The following SPAG17 variants were observed in gnomAD, a reference collection of about 807,000 sequenced individuals.
SPAG17 encodes the protein sperm associated antigen 17, also known as sperm-associated antigen 17.
A neutral mutation model predicts 273.6 loss-of-function variants in SPAG17; 169 were observed. The ratio of observed to expected loss-of-function variants is 0.62; its 90% CI spans 0.55 to 0.70. The LOEUF is 0.70. SPAG17 is among the 30% of genes least tolerant of loss of function. SPAG17 has a pLI of 0.00. For synonymous variants in SPAG17, 825 were observed against 873.2 expected, an observed-to-expected ratio of 0.94 and a Z score of 0.97; for missense variants, 2,557 against 2,627.8, an observed-to-expected ratio of 0.97 and a Z score of 0.59.
At chr1:118,149,285 T>G (rs1659242920) in intron 3 of SPAG17, among the ~76,000 whole-genome samples, 1 of 152,190 alleles carries the variant, frequency 6.6e-6, no homozygotes, top group South Asian at 2.1e-4. Flanking sequence ...TCTTGTGCTA[T>G]CCCACATCCA....
chr1:118,069,449 G>C (rs1653347866), intron 17 of SPAG17, among the ~76,000 whole-genome samples: 1 of 151,880 alleles, frequency 6.6e-6, no homozygotes, highest in African/African-American at 2.4e-5. Context: ...CAGGGATAAA[G>C]GAGAGGTTGG....
At chr1:118,028,983 T>A (rs1172539896) in intron 25 of SPAG17, among the ~76,000 whole-genome samples, 2 of 152,180 alleles carry the variant, frequency 1.3e-5, no homozygotes, top group Admixed American at 1.3e-4. Flanking sequence ...GGCATGGTGG[T>A]GTGTGGTTGC....
At chr1:118,180,302 C>T (rs763759419) in intron 1 of SPAG17, among the ~76,000 whole-genome samples, 1 of 151,872 alleles carries the variant, frequency 6.6e-6, no homozygotes, top group Non-Finnish European at 1.5e-5. Context: ...TTTATAGCAA[C>T]AAGGATGGAA....
intron 27 of SPAG17, among the ~76,000 whole-genome samples, chr1:118,024,316 T>C (rs1435459030): frequency 6.6e-6 from 1 of 152,154 alleles, no homozygotes; most frequent in Non-Finnish European, 1.5e-5. Context: ...CTTCCCATTT[T>C]TGATCATTCA....
At chr1:118,012,516 C>T (rs1477526995) in intron 29 of SPAG17, 144 bp from the exon 30 acceptor site, 10 of 834,234 alleles carry the variant, frequency 1.2e-5, no homozygotes, top group African/African-American at 3.5e-5. Context: ...TCTACCTGAT[C>T]TAACCTTCAT....
chr1:118,049,396 C>A (rs1650740401), intron 20 of SPAG17, among the ~76,000 whole-genome samples: 1 of 152,090 alleles, frequency 6.6e-6, no homozygotes, highest in Admixed American at 6.5e-5. Flanking sequence ...TGATTTATTC[C>A]TGGGATGCAA....
chr1:118,132,254 G>C (rs1020455907), intron 3 of SPAG17, among the ~76,000 whole-genome samples: 2 of 152,166 alleles, frequency 1.3e-5, no homozygotes, highest in Non-Finnish European at 1.5e-5. Flanking sequence ...CTGGGGAAGA[G>C]TGACGAGAGG....
chr1:117,988,986 G>A (rs896816049), intron 38 of SPAG17, among the ~76,000 whole-genome samples: 3 of 152,152 alleles, frequency 2.0e-5, no homozygotes, highest in East Asian at 3.9e-4. Flanking sequence ...AAAAAAATAC[G>A]TTAGTTTGTA....
intron 1 of SPAG17, among the ~76,000 whole-genome samples, chr1:118,165,638 A>AC (rs1050960835): frequency 6.9e-6 from 1 of 144,280 alleles, no homozygotes; most frequent in African/African-American, 2.6e-5. Flanking sequence ...AAAAAAAAAA[A>AC]AACTTTCTTT....
At chr1:118,158,615 T>G (rs1553257373) in intron 1 of SPAG17, among the ~76,000 whole-genome samples, 1 of 152,210 alleles carries the variant, frequency 6.6e-6, no homozygotes, top group Non-Finnish European at 1.5e-5. Flanking sequence ...GGAGCCTTAG[T>G]GCAATAAGAC....
intron 20 of SPAG17, among the ~76,000 whole-genome samples, chr1:118,045,829 C>T (rs1650285815): frequency 6.6e-6 from 1 of 152,046 alleles, no homozygotes; most frequent in Admixed American, 6.6e-5. Flanking sequence ...TGTAGGACAC[C>T]CAGTTGGTGT....
chr1:118,103,344 A>G (rs1020954754), intron 4 of SPAG17, among the ~76,000 whole-genome samples: 5 of 152,192 alleles, frequency 3.3e-5, no homozygotes, highest in African/African-American at 1.2e-4. Context: ...AATTTCAATG[A>G]GAATGGAAGT....
chr1:118,001,964 C>T (rs748743227), intron 32 of SPAG17, among the ~76,000 whole-genome samples: 2 of 152,144 alleles, frequency 1.3e-5, no homozygotes, highest in Non-Finnish European at 2.9e-5. Context: ...GCATTTAGTG[C>T]TACAAATTTC....
At chr1:118,153,844 CAAAGAAAAAAGAA>C (rs1346318353) in intron 1 of SPAG17, among the ~76,000 whole-genome samples, 1 of 148,148 alleles carries the variant, frequency 6.8e-6, no homozygotes, top group African/African-American at 2.5e-5. Context: ...GACTCCGTCT[CAAAGAAAAAAGAA>C]AAAGAAAAAA....
In SPAG17 at chr1:118,137,458, A is replaced by G. The variant is rs538849864; in HGVS notation, c.315+13085T>C. 3.9e-5 allele frequency among the ~76,000 whole-genome samples: 6 copies of G among 152,326 alleles called. No homozygotes were observed. In the East Asian group the frequency reaches 1.2e-3, roughly 29 times the overall value. On this transcript the variant is annotated intron_variant, in intron 3 of 48. Transcript: ENST00000336338. ...TCCTGTTGGCCTAGCTCACCATTAG[A>G]GTTCTGCAGATTTCAAATGGTATGA...
chr1:117,983,842 T>C lies in SPAG17; in HGVS notation c.5841A>G (p.Thr1947=). ...FTKKNEDANE[T]AVQDTSDLNL... ...TAAGATCAGATGTATCTTGAACAGC[T>C]GTTTCGTTTGCATCTTCATTTTTCT... Residue 1947 remains threonine, a synonymous_variant, in exon 42 of 49, where the codon ACA becomes ACG. Transcript: ENST00000336338. 1 of 1,612,814 alleles carries C rather than the reference T, an allele frequency of 6.2e-7. No homozygotes were observed. The highest frequency in any genetic ancestry group is 8.5e-7 in the Non-Finnish European group (1 of 1,179,238).
At chr1:118,170,981 G>A (rs1660392443) in intron 1 of SPAG17, among the ~76,000 whole-genome samples, 1 of 152,172 alleles carries the variant, frequency 6.6e-6, no homozygotes, top group Non-Finnish European at 1.5e-5. Context: ...TTAACATGGT[G>A]TGTGCAGCGT....
chr1:118,054,985 T>A (rs180962785), intron 19 of SPAG17, among the ~76,000 whole-genome samples: 42 of 152,158 alleles, frequency 2.8e-4, no homozygotes, highest in African/African-American at 9.4e-4. Context: ...ATGAATATTA[T>A]TAACAAGGAG....
At chr1:117,981,937 T>C (rs1655864600) in intron 42 of SPAG17, among the ~76,000 whole-genome samples, 1 of 152,208 alleles carries the variant, frequency 6.6e-6, no homozygotes, top group African/African-American at 2.4e-5. Context: ...CCTGGTTGAA[T>C]AGTCCTGGTT....
Sources: allele counts gnomAD v4.1 joint callset (sites outside exome capture counted in the v4.1 genomes callset), GRCh38; gene constraint gnomAD v4.1.1; transcripts MANE v1.5; gene names NCBI Gene and HGNC (gene_info 2026-07-23, HGNC 2026-07-21).